Variants in TMPRSS11E observed in about 807,000 individuals in gnomAD.
TMPRSS11E encodes transmembrane serine protease 11E.
In TMPRSS11E, 38 loss-of-function variants were observed where a neutral mutation model predicts 48.1. The ratio of observed to expected loss-of-function variants is 0.79; its 90% confidence interval spans 0.61 to 1.04. The LOEUF is 1.04. Among genes scored for constraint, TMPRSS11E ranks in the 50% least tolerant of loss-of-function variants. TMPRSS11E has a pLI of 0.00. For missense variants in TMPRSS11E, 530 were observed against 510.8 expected (o/e 1.04, Z -0.36); for synonymous variants, 158 against 171.9 (o/e 0.92, Z 0.63).
At chr4:68,470,187 A>T (rs1729025132) in intron 4 of TMPRSS11E, among the ~76,000 whole-genome samples, 1 of 151,944 alleles carries the variant, frequency 6.6e-6, no homozygotes, top group South Asian at 2.1e-4. Context: ...ATTTGGAAGC[A>T]TGGGTGTAAA....
intron 1 of TMPRSS11E, among the ~76,000 whole-genome samples, chr4:68,460,870 G>T (rs1415550423): frequency 6.8e-6 from 1 of 146,250 alleles, no homozygotes; most frequent in African/African-American, 2.5e-5. Context: ...CATGCAAAAA[G>T]AATTTCCTGT....
rs1223567101 is a variant in TMPRSS11E, at chr4:68,466,695, G to A, written c.201G>A (p.Glu67=). The A allele has an allele frequency of 3.7e-6, 6 of 1,613,674 alleles. No individual in the cohort carries two copies. The highest frequency in any genetic ancestry group is 5.1e-6 in the Non-Finnish European group (6 of 1,179,754). ...LSFTTDKLYA[E]FGREASNNFT... is the part of the protein sequence containing the mutation. Reference sequence around the variant, plus strand: ...TTACAACTGACAAACTATATGCTGAGTTTGGCAGAGAGGCTTCTAACAATT... The same window carrying A: ...TTACAACTGACAAACTATATGCTGAATTTGGCAGAGAGGCTTCTAACAATT... Residue 67 remains glutamate (E), a synonymous_variant, in exon 3 of 10, where the codon GAG becomes GAA. Coordinates refer to ENST00000305363, the MANE Select transcript of TMPRSS11E (RefSeq NM_014058.4).
chr4:68,458,110 A>G (rs1201084395), intron 1 of TMPRSS11E, among the ~76,000 whole-genome samples: 2 of 151,984 alleles, frequency 1.3e-5, no homozygotes, highest in Non-Finnish European at 2.9e-5. Context: ...CCAACTATTG[A>G]TTGGTGGTAT....
chr4:68,474,208 G>T (rs1729149043), intron 5 of TMPRSS11E, among the ~76,000 whole-genome samples: 1 of 152,134 alleles, frequency 6.6e-6, no homozygotes. Flanking sequence ...ACTTCAAAAA[G>T]GGTAACATTG....
intron 9 of TMPRSS11E, among the ~76,000 whole-genome samples, chr4:68,484,305 G>C (rs1729492106): frequency 6.6e-6 from 1 of 151,954 alleles, no homozygotes; most frequent in Non-Finnish European, 1.5e-5. Flanking sequence ...GTCAACTATG[G>C]TTTCTTTCTT....
intron 1 of TMPRSS11E, among the ~76,000 whole-genome samples, chr4:68,455,161 T>A (rs575939146): frequency 6.6e-6 from 1 of 152,082 alleles, no homozygotes; most frequent in East Asian, 1.9e-4. Context: ...TCTCTTAGTT[T>A]GACTGCAAAT....
chr4:68,479,120 T>C (rs1729330510), intron 9 of TMPRSS11E, 129 bp downstream of exon 9: 8 of 1,041,934 alleles, frequency 7.7e-6, no homozygotes, highest in Non-Finnish European at 9.9e-6. Context: ...TTTTCTCCAA[T>C]GATTACATCT....
chr4:68,453,109 A>T (rs1728543000), intron 1 of TMPRSS11E, among the ~76,000 whole-genome samples: 1 of 151,896 alleles, frequency 6.6e-6, no homozygotes, highest in Non-Finnish European at 1.5e-5. Flanking sequence ...GGCATACGTG[A>T]GGCATCTGAG....
intron 2 of TMPRSS11E, among the ~76,000 whole-genome samples, chr4:68,463,042 C>T (rs547397278): frequency 2.0e-5 from 3 of 152,100 alleles, no homozygotes; most frequent in African/African-American, 4.8e-5. Context: ...GCACCGTAAC[C>T]ATAGAAGCTA....
At position 68,478,990 on chromosome 4, in the gene TMPRSS11E, AG is replaced by A; in HGVS notation, c.1110+1del. ...TTAGAAGGAAAAACAGATGCATGCCAGGTAAACAGTTTTGCCCATTAGTAGG... is the reference window on the plus strand; with the variant it reads ...TTAGAAGGAAAAACAGATGCATGCCAGTAAACAGTTTTGCCCATTAGTAGG... ...GSLEGKTDACQGDSGGPLVSS... is the reference protein window; with the variant it reads ...GSLEGKTDACXGDSGGPLVSS... On this transcript the variant is annotated frameshift_variant and splice_region_variant, in exon 9 of 10. Coordinates refer to ENST00000305363, the MANE Select transcript of TMPRSS11E (RefSeq NM_014058.4). LOFTEE classifies it high-confidence loss of function. 2 of 1,612,964 alleles carry A rather than the reference AG, an allele frequency of 1.2e-6. No individual in the cohort carries two copies. The highest frequency in any genetic ancestry group is 2.2e-5 in the South Asian group (2 of 90,870).
chr4:68,467,436 A>C (rs1560551006), intron 3 of TMPRSS11E, among the ~76,000 whole-genome samples: 1 of 152,184 alleles, frequency 6.6e-6, no homozygotes, highest in Non-Finnish European at 1.5e-5. Context: ...AGAATAATTT[A>C]ACTTTTCCTG....
intron 2 of TMPRSS11E, among the ~76,000 whole-genome samples, chr4:68,466,212 G>A (rs1044905928): frequency 2.0e-5 from 3 of 152,104 alleles, no homozygotes; most frequent in Admixed American, 6.6e-5. Context: ...TTGATGTATA[G>A]TTGATGGAAG....
chr4:68,465,196 C>T (rs1464452021), intron 2 of TMPRSS11E, among the ~76,000 whole-genome samples: 1 of 152,084 alleles, frequency 6.6e-6, no homozygotes, highest in Non-Finnish European at 1.5e-5. Context: ...AAGAGTAAAA[C>T]CTCCCAAGTC....
chr4:68,468,944 C>T lies in TMPRSS11E; in HGVS notation c.324C>T (p.Phe108=), dbSNP rs369420585. 1.9e-5 allele frequency: 31 copies of T among 1,609,122 alleles called. No homozygotes were observed. The highest frequency in any genetic ancestry group is 2.7e-5 in the African/African-American group (2 of 74,736). The part of the protein sequence containing the change: ...EEFVKSQVIK[F]SQQKHGVLAH... ...TTGTCAAGTCTCAGGTTATCAAGTT[C>T]AGGTATGTAAATCTGAATTGCTGAC... Residue 108 remains phenylalanine, a splice_region_variant and synonymous_variant, in exon 4 of 10, where the codon TTC becomes TTT. Coordinates refer to ENST00000305363, the MANE Select transcript of TMPRSS11E (RefSeq NM_014058.4).
At chr4:68,477,928 C>A (rs554724751) in intron 8 of TMPRSS11E, among the ~76,000 whole-genome samples, 1 of 152,196 alleles carries the variant, frequency 6.6e-6, no homozygotes, top group African/African-American at 2.4e-5. Flanking sequence ...TAGAGATTAG[C>A]AATCAATAAT....
chr4:68,484,442 G>A (rs988614817), intron 9 of TMPRSS11E, among the ~76,000 whole-genome samples: 2 of 152,134 alleles, frequency 1.3e-5, no homozygotes, highest in Non-Finnish European at 2.9e-5. Flanking sequence ...GAGTAGCGGG[G>A]ACTATAGGCA....
chr4:68,489,626 C>G (rs1341263745), intron 9 of TMPRSS11E, among the ~76,000 whole-genome samples: 2 of 152,200 alleles, frequency 1.3e-5, no homozygotes, highest in African/African-American at 4.8e-5. Flanking sequence ...CGCTCACTGA[C>G]AGGGACCTGC....
At chr4:68,494,944 G>T (rs1319733734) in intron 9 of TMPRSS11E, among the ~76,000 whole-genome samples, 1 of 152,160 alleles carries the variant, frequency 6.6e-6, no homozygotes, top group Non-Finnish European at 1.5e-5. Context: ...TTTGGGTACA[G>T]GCACTCAGGC....
At chr4:68,483,315 T>C (rs575984155) in intron 9 of TMPRSS11E, among the ~76,000 whole-genome samples, 13 of 152,260 alleles carry the variant, frequency 8.5e-5, no homozygotes, top group African/African-American at 3.1e-4. Flanking sequence ...GACAGTTCAC[T>C]TGCTATCGCA....
Sources: gnomAD v4.1 joint callset for allele counts (sites outside exome capture counted in the v4.1 genomes callset) on GRCh38, gnomAD v4.1.1 for gene constraint, MANE v1.5 for transcripts, NCBI Gene and HGNC (gene_info 2026-07-23, HGNC 2026-07-21) for gene names.